Variants in INSR observed in about 807,000 individuals in gnomAD.
The protein encoded by INSR is insulin receptor.
A neutral mutation model predicts 142.6 loss-of-function variants in INSR; 67 were observed. The ratio of observed to expected loss-of-function variants is 0.47; its 90% CI spans 0.39 to 0.58. The LOEUF (loss-of-function observed/expected upper bound fraction) is 0.58, where lower values mean the gene tolerates loss of function less well. Among genes scored for constraint, INSR ranks in the 20% least tolerant of loss-of-function variants. The pLI is 0.00. For synonymous variants in INSR, 756 were observed against 743.1 expected (o/e 1.02, Z -0.28); for missense variants, 1,248 against 1,833.2 (o/e 0.68, Z 5.83).
At position 7,251,395 on chromosome 19, in the gene INSR, T is replaced by C. The variant is rs1348723367; in HGVS notation, c.652+15950A>G. 3.9e-5 allele frequency among the ~76,000 whole-genome samples: 6 copies of C among 152,140 alleles called. No individual in the cohort carries two copies. The South Asian group carries it at 1.0e-3, about 26-fold the overall frequency. On this transcript the variant is annotated intron_variant, in intron 2 of 21. Transcript: ENST00000302850. Reference sequence around the variant, plus strand: ...CCTCAGCCTCCCGAGTAGCTGGGACTACAGGCATGCACCACCATGCTCGGC... The same window carrying C: ...CCTCAGCCTCCCGAGTAGCTGGGACCACAGGCATGCACCACCATGCTCGGC...
In INSR at chr19:7,116,108, GT is replaced by G. The variant is rs914015200; in HGVS notation, c.*947del. The G allele has an allele frequency of 1.6e-5, 2 of 128,188 alleles. No individual in the cohort carries two copies. Among genetic ancestry groups the G allele is most frequent in the African/African-American group, 5.9e-5 (2 of 33,726 alleles). 7.9% of individuals were successfully genotyped at this position (128,188 alleles called of 1,614,324 possible). ...TTTTTTTTTTTCCTTTTTCCATTTT[GT>G]TTTTTCTTTCTTTTTCTTTTTTTTT... On this transcript the variant is annotated 3_prime_UTR_variant, in exon 22 of 22. Transcript: ENST00000302850.
intron 13 of INSR, among the ~76,000 whole-genome samples, chr19:7,134,814 A>G (rs1266747840): frequency 6.6e-6 from 1 of 152,066 alleles, no homozygotes; most frequent in African/African-American, 2.4e-5. Context: ...AACACATAAA[A>G]TAAAATAATA....
Position 7,166,163 on chromosome 19 carries a change from C to G in INSR, c.1852G>C (p.Asp618His), listed in dbSNP as rs765441238. The G allele has an allele frequency of 6.2e-7, 1 of 1,614,064 alleles. No individual in the cohort carries two copies. Residue 618 changes from aspartate (D) to histidine (H), a missense_variant, in exon 8 of 22, where the codon GAT becomes CAT. By Grantham distance (81) the Asp-to-His change is moderately conservative. Coordinates refer to ENST00000302850, the MANE Select transcript of INSR (RefSeq NM_000208.4). The surrounding 1 kb of genome is among the most constrained non-coding windows in gnomAD (Gnocchi z 4.1). ...AKSDIIYVQT[D>H]ATNPSVPLDP... Reference sequence around the variant, plus strand: ...CCCAAGACACACTCACTGGTGGCATCTGTCTGGACATAAATGATGTCACTC... The same window carrying G: ...CCCAAGACACACTCACTGGTGGCATGTGTCTGGACATAAATGATGTCACTC...
chr19:7,259,112 C>CTTCCTTCTTTCCTTCG (rs1256161207), intron 2 of INSR, among the ~76,000 whole-genome samples: 1,134 of 59,644 alleles, frequency 0.019, 69 homozygotes, highest in African/African-American at 0.068. Context: ...TCCTTCCTTC[C>CTTCCTTCTTTCCTTCG]TTTCTTTCCT....
intron 11 of INSR, among the ~76,000 whole-genome samples, chr19:7,145,850 A>G (rs1270397918): frequency 2.0e-5 from 3 of 152,242 alleles, no homozygotes; most frequent in Admixed American, 2.0e-4. Context: ...TTAATTAGTA[A>G]TGATGAGATG....
intron 9 of INSR, among the ~76,000 whole-genome samples, 189 bp from the exon 10 acceptor site, chr19:7,153,116 CCACA>C (rs1314147392): frequency 3.0e-5 from 4 of 133,480 alleles, no homozygotes; most frequent in South Asian, 2.4e-4. Context: ...AAACACACAA[CCACA>C]CACACACACC....
intron 21 of INSR, among the ~76,000 whole-genome samples, chr19:7,118,373 A>G (rs2144792856): frequency 6.6e-6 from 1 of 152,156 alleles, no homozygotes; most frequent in South Asian, 2.1e-4. Context: ...GCTGCAGTGC[A>G]ATGGTGCAGT....
At chr19:7,127,652 A>G (rs905641258) in intron 15 of INSR, among the ~76,000 whole-genome samples, 5 of 152,214 alleles carry the variant, frequency 3.3e-5, no homozygotes, top group Admixed American at 2.6e-4. Flanking sequence ...GAATATTTAC[A>G]TTACAGAAAC....
At position 7,294,148 on chromosome 19, in the gene INSR, CG is replaced by C. The variant is rs574993687; in HGVS notation, c.-258del. ...CCCCGACCCCCCGGCCGCTGCGGCC[CG>C]GGCCCCGTCCCAGGATCTCGGGGCC... On this transcript the variant is annotated 5_prime_UTR_variant, in exon 1 of 22. Transcript: ENST00000302850. 7 of 184,002 alleles carry C rather than the reference CG, an allele frequency of 3.8e-5. 1 individual carries two copies. The highest frequency in any genetic ancestry group is 3.7e-4 in the Admixed American group (6 of 16,038). The allele number at this position is 184,002 out of a possible 1,614,324, so 11.4% of individuals were successfully genotyped here. A position where few individuals can be genotyped will look rare whatever the true frequency, so the allele number is the denominator to read the frequency against.
At position 7,125,196 on chromosome 19, in the gene INSR, G is replaced by A; in HGVS notation, c.3258+87C>T. The stretch of plus-strand genomic sequence containing the variant: ...GGGTGGGTAGGAGGTTACACCCTGT[G>A]TCCTCTGTCGCTCTGTGCAGGAGGA... On this transcript the variant is annotated intron_variant, in intron 17 of 21. Coordinates refer to ENST00000302850, the MANE Select transcript of INSR (RefSeq NM_000208.4). The surrounding 1 kb of genome is among the most constrained non-coding windows in gnomAD (Gnocchi z 4.9). The A allele has an allele frequency of 2.0e-6, 3 of 1,535,830 alleles. No homozygotes were observed. Among genetic ancestry groups the A allele is most frequent in the South Asian group, 2.3e-5 (2 of 88,318 alleles).
At chr19:7,137,798 CAAA>C (rs1176523364) in intron 13 of INSR, among the ~76,000 whole-genome samples, 23 of 41,478 alleles carry the variant, frequency 5.5e-4, no homozygotes, top group African/African-American at 1.9e-3. Flanking sequence ...GACTCCATCT[CAAA>C]AAAAAAAAAA....
intron 2 of INSR, among the ~76,000 whole-genome samples, chr19:7,223,277 TCA>T (rs1190238184): frequency 4.6e-5 from 7 of 152,280 alleles, no homozygotes; most frequent in African/African-American, 1.4e-4. Context: ...ATTAATTACC[TCA>T]TTTGATTTTC....
At chr19:7,124,571 AAAAAAAAAAAAAAAAAAATATATAT>A (rs1972586625) in intron 17 of INSR, among the ~76,000 whole-genome samples, 1 of 23,766 alleles carries the variant, frequency 4.2e-5, no homozygotes, top group Non-Finnish European at 7.6e-5. Context: ...AAAAAAAAAA[AAAAAAAAAAAAAAAAAAATATATAT>A]ATATATATAT....
rs1973314254 is a variant in INSR at position 7,150,661 on chromosome 19, C to T, written c.2232-129G>A. 1 of 805,878 alleles carries T rather than the reference C, an allele frequency of 1.2e-6. No individual in the cohort carries two copies. Among genetic ancestry groups the T allele is most frequent in the Admixed American group, 2.0e-5 (1 of 50,674 alleles). The allele number at this position is 805,878 out of a possible 1,614,324, so 49.9% of individuals were successfully genotyped here. On this transcript the variant is annotated intron_variant, in intron 10 of 21. Transcript: ENST00000302850. This position sits in a 1 kb window ranked among gnomAD's most constrained non-coding sequence, Gnocchi z 4.2. ...TGGCTTTGACCCTGGACCACTCGCT[C>T]CCATCACTTGCTAGACGGAGTGAGC...
At chr19:7,132,042 TGA>T in intron 14 of INSR, 114 bp downstream of exon 14, 1 of 1,295,244 alleles carries the variant, frequency 7.7e-7, no homozygotes, top group Non-Finnish European at 1.1e-6. Flanking sequence ...CTGATAGGCC[TGA>T]GAGTCAAGGC....
At position 7,113,700 on chromosome 19, in the gene INSR, G is replaced by A. The variant is rs1030020701; in HGVS notation, c.*3356C>T. The A allele has an allele frequency of 2.0e-5, 3 of 152,150 alleles. No homozygotes were observed. Among genetic ancestry groups the A allele is most frequent in the African/African-American group, 7.2e-5 (3 of 41,420 alleles). 9.4% of individuals were successfully genotyped at this position (152,150 alleles called of 1,614,324 possible). On this transcript the variant is annotated 3_prime_UTR_variant, in exon 22 of 22. Coordinates refer to ENST00000302850, the MANE Select transcript of INSR (RefSeq NM_000208.4). ...CACTACAAACTCCCAGGACAACCGT[G>A]TCTTTCTAGGACCAAAGTTTTATTG...
At chr19:7,178,784 G>A (rs1974204793) in intron 3 of INSR, among the ~76,000 whole-genome samples, 1 of 152,144 alleles carries the variant, frequency 6.6e-6, no homozygotes, top group South Asian at 2.1e-4. Flanking sequence ...CCAGCTGGTG[G>A]ACACACCAGT....
Position 7,147,521 on chromosome 19 carries a change from A to G in INSR, c.2267+2976T>C, listed in dbSNP as rs1973214760. On this transcript the variant is annotated intron_variant, in intron 11 of 21. Coordinates refer to ENST00000302850, the MANE Select transcript of INSR (RefSeq NM_000208.4). ...CACCAAGAAGTGAAGTTTTCTGTTT[A>G]ATCTTTTGAAATTAACTTTTAGTTT... 2.0e-5 allele frequency among the ~76,000 whole-genome samples: 3 copies of G among 152,290 alleles called. No homozygotes were observed. The Middle Eastern group carries it at 0.01, about 518-fold the overall frequency.
intron 19 of INSR, 105 bp downstream of exon 19, chr19:7,122,509 C>T (rs1972518163): frequency 8.0e-7 from 1 of 1,250,854 alleles, no homozygotes; most frequent in Non-Finnish European, 1.2e-6. Flanking sequence ...TATCTTGCCC[C>T]TTTATATTAT....
Sources: gnomAD v4.1 joint callset for allele counts (sites outside exome capture counted in the v4.1 genomes callset) on GRCh38, gnomAD v4.1.1 for gene constraint, Gnocchi (gnomAD v3.1) non-coding constraint, MANE v1.5 for transcripts, NCBI Gene and HGNC (gene_info 2026-07-23, HGNC 2026-07-21) for gene names.